LRMDA: variants seen among roughly 807,000 people sequenced by gnomAD.
LRMDA encodes the protein leucine rich melanocyte differentiation associated.
A neutral mutation model predicts 29.8 loss-of-function variants in LRMDA; 18 were observed. That is an observed-to-expected ratio of 0.60 (90% confidence interval 0.42 to 0.90). The LOEUF is 0.90. LRMDA is among the 40% of genes least tolerant of loss of function. The pLI is 0.00. For missense variants in LRMDA, 273 were observed against 273.9 expected, an observed-to-expected ratio of 1.00 and a Z score of 0.02; for synonymous variants, 125 against 109.4, an observed-to-expected ratio of 1.14 and a Z score of -0.89.
chr10:75,745,006 C>T (rs1842873528), intron 2 of LRMDA, among the ~76,000 whole-genome samples: 1 of 152,300 alleles, frequency 6.6e-6, no homozygotes, highest in Non-Finnish European at 1.5e-5. Context: ...TGTGCACGTC[C>T]CCAACTCTGC....
intron 2 of LRMDA, among the ~76,000 whole-genome samples, chr10:75,655,109 T>C (rs1841651331): frequency 6.6e-6 from 1 of 152,230 alleles, no homozygotes; most frequent in African/African-American, 2.4e-5. Flanking sequence ...CTATAATCCA[T>C]TTTTACTTTG....
intron 2 of LRMDA, among the ~76,000 whole-genome samples, chr10:75,577,951 C>A (rs1034356690): frequency 1.3e-5 from 2 of 150,576 alleles, no homozygotes; most frequent in African/African-American, 5.0e-5. Context: ...ATTGTAAAGA[C>A]CATGGATGCT....
At chr10:75,600,261 C>T (rs76829322) in intron 2 of LRMDA, among the ~76,000 whole-genome samples, 1 of 152,158 alleles carries the variant, frequency 6.6e-6, no homozygotes, top group Admixed American at 6.5e-5. Flanking sequence ...CATCCAACAC[C>T]TTGCGTGTGA....
At chr10:76,347,363 G>T (rs1841121465) in intron 6 of LRMDA, among the ~76,000 whole-genome samples, 1 of 152,132 alleles carries the variant, frequency 6.6e-6, no homozygotes, top group Non-Finnish European at 1.5e-5. Flanking sequence ...CAGAATTTAG[G>T]TATACTACGC....
intron 2 of LRMDA, among the ~76,000 whole-genome samples, chr10:75,692,522 CAT>C (rs767386700): frequency 8.7e-5 from 13 of 150,170 alleles, no homozygotes; most frequent in East Asian, 6.0e-4. Context: ...TGTGTATACA[CAT>C]ATGCGTATGT....
intron 5 of LRMDA, among the ~76,000 whole-genome samples, chr10:76,073,630 G>C (rs146804799): frequency 5.3e-5 from 8 of 152,140 alleles, no homozygotes; most frequent in African/African-American, 1.9e-4. Flanking sequence ...GGGCTTATTG[G>C]GTCACAAGGT....
At chr10:76,258,406 T>C (rs866466703) in intron 5 of LRMDA, among the ~76,000 whole-genome samples, 10 of 152,182 alleles carry the variant, frequency 6.6e-5, no homozygotes, top group Admixed American at 3.9e-4. Context: ...CATGATCTGA[T>C]CAGTGTAATT....
intron 2 of LRMDA, among the ~76,000 whole-genome samples, chr10:75,954,899 A>G (rs1846639027): frequency 1.3e-5 from 2 of 152,196 alleles, no homozygotes; most frequent in Non-Finnish European, 2.9e-5. Flanking sequence ...GCTTTATTCC[A>G]TGTATTTCAC....
In LRMDA at chr10:75,889,925, TAAGACTGGG is replaced by T. The variant is rs1845455507; in HGVS notation, c.132-146081_132-146073del. Among the ~76,000 whole-genome samples, 15 of 152,336 alleles carry T rather than the reference TAAGACTGGG, an allele frequency of 9.8e-5. No homozygotes were observed. The South Asian group carries it at 3.1e-3, about 32-fold the overall frequency. ...GGCTGATCAAAGAAGAATAAGACTC[TAAGACTGGG>T]ACCTGAAGGGTAGGTGGATTTTAGC... On this transcript the variant is annotated intron_variant, in intron 2 of 6. Transcript: ENST00000611255.
intron 2 of LRMDA, among the ~76,000 whole-genome samples, chr10:75,661,190 C>A (rs1841748231): frequency 6.6e-6 from 1 of 152,158 alleles, no homozygotes; most frequent in Admixed American, 6.5e-5. Context: ...CCTCCAGTTG[C>A]TGCCTGGTTT....
At position 76,144,411 on chromosome 10, in the gene LRMDA, C is replaced by A. The variant is rs1412561717; in HGVS notation, c.516+85628C>A. The stretch of plus-strand genomic sequence containing the variant: ...TCTCCTTGAAGAGGTCCTTCACATC[C>A]CTTGTAAGTTGGATTCCTAGGTATT... On this transcript the variant is annotated intron_variant, in intron 5 of 6. Coordinates refer to ENST00000611255, the MANE Select transcript of LRMDA (RefSeq NM_001305581.2). 2.0e-5 allele frequency among the ~76,000 whole-genome samples: 3 copies of A among 152,050 alleles called. No homozygotes were observed. In the East Asian group the frequency reaches 5.8e-4, roughly 29 times the overall value.
chr10:76,515,567 A>G (rs756177), intron 6 of LRMDA, among the ~76,000 whole-genome samples: 3,590 of 152,076 alleles, frequency 0.024, 75 homozygotes, highest in South Asian at 0.11. Context: ...GTACAGTGGC[A>G]TGATCTTGGT....
chr10:76,500,855 TA>T (rs773727346), intron 6 of LRMDA, among the ~76,000 whole-genome samples: 2,428 of 71,924 alleles, frequency 0.034, 999 homozygotes, highest in Non-Finnish European at 0.078. Context: ...TGCCTTTTTT[TA>T]AAAAAAAAAT....
chr10:75,804,671 C>T (rs1843816602), intron 2 of LRMDA, among the ~76,000 whole-genome samples: 1 of 152,228 alleles, frequency 6.6e-6, no homozygotes. Context: ...GAGGCCTGGG[C>T]CGTGGGGCTT....
intron 6 of LRMDA, among the ~76,000 whole-genome samples, chr10:76,426,599 G>C (rs1475573617): frequency 6.6e-6 from 1 of 152,104 alleles, no homozygotes; most frequent in Non-Finnish European, 1.5e-5. Context: ...AGAAGCTCTT[G>C]AGTTTAATTA....
intron 2 of LRMDA, among the ~76,000 whole-genome samples, chr10:75,943,622 C>A (rs1846430697): frequency 6.6e-6 from 1 of 152,154 alleles, no homozygotes; most frequent in South Asian, 2.1e-4. Flanking sequence ...GTATTTGGGA[C>A]TCAGTGGCAT....
At position 75,493,210 on chromosome 10, in the gene LRMDA, G is replaced by A. The variant is rs985261114; in HGVS notation, c.131+54716G>A. Among the ~76,000 whole-genome samples the A allele has an allele frequency of 3.9e-5, 6 of 152,000 alleles. No individual in the cohort carries two copies. The South Asian group carries it at 6.2e-4, about 16-fold the overall frequency. Reference sequence around the variant, plus strand: ...AACTTTATCACCAAAATCCAACCTCGAGATCCTAAAATATGGCTTTCCCTT... The same window carrying A: ...AACTTTATCACCAAAATCCAACCTCAAGATCCTAAAATATGGCTTTCCCTT... On this transcript the variant is annotated intron_variant, in intron 2 of 6. Coordinates refer to ENST00000611255, the MANE Select transcript of LRMDA (RefSeq NM_001305581.2).
chr10:75,637,710 T>C (rs777860177), intron 2 of LRMDA, among the ~76,000 whole-genome samples: 11 of 152,248 alleles, frequency 7.2e-5, no homozygotes, highest in East Asian at 1.9e-4. Context: ...TTATTTTACA[T>C]TGATCACGGG....
chr10:75,989,248 G>A (rs1169662726), intron 2 of LRMDA, among the ~76,000 whole-genome samples: 1 of 152,234 alleles, frequency 6.6e-6, no homozygotes, highest in Non-Finnish European at 1.5e-5. Context: ...AGAAATGCCT[G>A]AGATTGGGTA....
Sources: allele counts gnomAD v4.1 joint callset (sites outside exome capture counted in the v4.1 genomes callset), GRCh38; gene constraint gnomAD v4.1.1; transcripts MANE v1.5; gene names NCBI Gene and HGNC (gene_info 2026-07-23, HGNC 2026-07-21).